The following ADCY7 variants were observed in gnomAD, a reference collection of about 807,000 sequenced individuals.
ADCY7 encodes the protein adenylate cyclase type 7.
A neutral mutation model predicts 120.6 loss-of-function variants in ADCY7; 72 were observed. That is an observed-to-expected ratio of 0.60 (90% CI 0.49 to 0.73). The LOEUF (loss-of-function observed/expected upper bound fraction) is 0.73, where lower values mean the gene tolerates loss of function less well. Ranked by LOEUF, ADCY7 falls within the 30% of genes least tolerant of loss-of-function variation. ADCY7 has a pLI of 0.00. For synonymous variants in ADCY7, 661 were observed against 628.0 expected (o/e 1.05, Z -0.78); for missense variants, 1,227 against 1,486.0 (o/e 0.83, Z 2.87).
At chr16:50,258,057 T>C (rs892305575) in intron 1 of ADCY7, among the ~76,000 whole-genome samples, 35 of 152,218 alleles carry the variant, frequency 2.3e-4, no homozygotes, top group African/African-American at 8.4e-4. Context: ...TATGTTAATA[T>C]TAGCTTTTTA....
At chr16:50,310,926 C>A in intron 19 of ADCY7, 46 bp downstream of exon 19, 1 of 1,514,864 alleles carries the variant, frequency 6.6e-7, no homozygotes, top group Non-Finnish European at 8.9e-7. Context: ...GTGGCCTGTT[C>A]ATCTGGTGCC....
chr16:50,288,938 C>T (rs2034758862), intron 2 of ADCY7, among the ~76,000 whole-genome samples: 1 of 152,108 alleles, frequency 6.6e-6, no homozygotes, highest in African/African-American at 2.4e-5. Context: ...GCTGGGAGTA[C>T]AAGCATGCAC....
At chr16:50,289,668 G>A (rs756199065) in intron 2 of ADCY7, among the ~76,000 whole-genome samples, 5 of 152,158 alleles carry the variant, frequency 3.3e-5, no homozygotes, top group Non-Finnish European at 7.4e-5. Context: ...GTTTCACCAT[G>A]TTGGCCAGGC....
chr16:50,255,402 G>GGAAAAAAAAAAAAAAAAAAAAAAAA, intron 1 of ADCY7, among the ~76,000 whole-genome samples: 1 of 108,136 alleles, frequency 9.2e-6, no homozygotes, highest in African/African-American at 3.7e-5. Flanking sequence ...TCTGTTTCTG[G>GGAAAAAAAAAAAAAAAAAAAAAAAA]AAAAAAAAAA....
chr16:50,271,222 G>A (rs183866787), intron 1 of ADCY7, among the ~76,000 whole-genome samples: 5 of 152,278 alleles, frequency 3.3e-5, no homozygotes, highest in African/African-American at 9.6e-5. Context: ...ACCTAGGACC[G>A]TGCTTTCCTG....
chr16:50,296,281 A>G (rs2035344044), intron 7 of ADCY7, among the ~76,000 whole-genome samples: 1 of 151,308 alleles, frequency 6.6e-6, no homozygotes, highest in East Asian at 1.9e-4. Flanking sequence ...TTGAATTCCT[A>G]CGCTCAAGTG....
At chr16:50,303,824 G>T (rs1375607147) in intron 10 of ADCY7, among the ~76,000 whole-genome samples, 1 of 152,126 alleles carries the variant, frequency 6.6e-6, no homozygotes, top group East Asian at 1.9e-4. Flanking sequence ...GCCATTTCTC[G>T]GGGCGGCTAG....
chr16:50,295,556 A>G lies in ADCY7; in HGVS notation c.948+805A>G, dbSNP rs149020256. On this transcript the variant is annotated intron_variant, in intron 7 of 25. Coordinates refer to ENST00000673801, the MANE Select transcript of ADCY7 (RefSeq NM_001114.5). ...GAGGAAAGGGAACAGTGTTCTTAGC[A>G]GGGGGAACAGCATAGACAAAGCCTG... is the stretch of plus-strand genomic sequence containing the variant. Among the ~76,000 whole-genome samples, 324 of 151,922 alleles carry G rather than the reference A, an allele frequency of 2.1e-3. 1 individual carries two copies. The highest frequency in any genetic ancestry group is 7.3e-3 in the African/African-American group (304 of 41,420).
chr16:50,259,512 A>AC (rs1185469484), intron 1 of ADCY7, among the ~76,000 whole-genome samples: 2 of 152,046 alleles, frequency 1.3e-5, no homozygotes, highest in African/African-American at 4.8e-5. Context: ...ACACACCATG[A>AC]CCCCAGCTGC....
chr16:50,265,385 C>T (rs964038371), upstream of ADCY7, among the ~76,000 whole-genome samples: 3 of 152,176 alleles, frequency 2.0e-5, no homozygotes, highest in African/African-American at 7.2e-5. Flanking sequence ...AGTCCTATGC[C>T]TGTCTCCACC....
At chr16:50,307,169 G>C in intron 15 of ADCY7, 22 bp downstream of exon 15, 2 of 1,603,724 alleles carry the variant, frequency 1.2e-6, no homozygotes, top group Non-Finnish European at 1.7e-6. Flanking sequence ...GGAGGGGTGT[G>C]GGGGTCCGGC....
intron 5 of ADCY7, 101 bp downstream of exon 5, chr16:50,292,926 C>T: frequency 6.9e-7 from 1 of 1,454,858 alleles, no homozygotes; most frequent in East Asian, 2.3e-5. Context: ...AGGTGCATGG[C>T]CAGACACCCA....
chr16:50,288,962 C>T (rs2034761233), intron 2 of ADCY7, among the ~76,000 whole-genome samples: 1 of 152,106 alleles, frequency 6.6e-6, no homozygotes, highest in African/African-American at 2.4e-5. Flanking sequence ...CATGCCCAGC[C>T]TCTCTAACTT....
rs138404619 is a variant in ADCY7 at position 50,313,759 on chromosome 16, C to G, written c.2752-199C>G. On this transcript the variant is annotated intron_variant, in intron 22 of 25. Transcript: ENST00000673801. ...GAGGGAGACAGTGTGGGGACGGAGA[C>G]AACAGGAAGAGCAGGAGCCGCCAAG... The G allele has an allele frequency of 1.9e-5, 11 of 577,166 alleles. No homozygotes were observed. The East Asian group carries it at 3.1e-4, about 16-fold the overall frequency. 35.8% of individuals were successfully genotyped at this position (577,166 alleles called of 1,614,324 possible).
intron 24 of ADCY7, chr16:50,314,651 G>A: frequency 1.9e-6 from 1 of 513,550 alleles, no homozygotes; most frequent in South Asian, 2.8e-5. Context: ...TCTGTAAACA[G>A]GTGACCTTAA....
At chr16:50,247,319 G>A (rs1485700151) in intron 1 of ADCY7, among the ~76,000 whole-genome samples, 1 of 152,218 alleles carries the variant, frequency 6.6e-6, no homozygotes, top group African/African-American at 2.4e-5. Context: ...CTGGGGAGCA[G>A]AGGTGAGAAC....
At chr16:50,313,906 T>C in intron 22 of ADCY7, 52 bp from the exon 23 acceptor site, 2 of 1,502,034 alleles carry the variant, frequency 1.3e-6, no homozygotes, top group East Asian at 4.6e-5. Context: ...AGGGGCAGCC[T>C]GGCTGCGGCT....
upstream of ADCY7, among the ~76,000 whole-genome samples, chr16:50,244,879 C>G (rs1489694071): frequency 6.6e-6 from 1 of 152,188 alleles, no homozygotes. Flanking sequence ...GGGGGCTGCA[C>G]GAGCCCAGAG....
chr16:50,269,030 G>C (rs1218181617), intron 1 of ADCY7, among the ~76,000 whole-genome samples: 1 of 152,206 alleles, frequency 6.6e-6, no homozygotes, highest in Non-Finnish European at 1.5e-5. Flanking sequence ...GACGGAATGA[G>C]ACCCTGTCTC....
Sources: gnomAD v4.1 joint callset for allele counts (sites outside exome capture counted in the v4.1 genomes callset) on GRCh38, gnomAD v4.1.1 for gene constraint, MANE v1.5 for transcripts, NCBI Gene and HGNC (gene_info 2026-07-23, HGNC 2026-07-21) for gene names.